The following NIN variants were observed in gnomAD, a reference collection of about 807,000 sequenced individuals.
NIN encodes glycogen synthase kinase 3 beta-interacting protein.
In NIN, 137 loss-of-function variants were observed where a neutral mutation model predicts 257.6. That is an observed-to-expected ratio of 0.53 (90% CI 0.46 to 0.61). The LOEUF is 0.61. Among genes scored for constraint, NIN ranks in the 20% least tolerant of loss-of-function variants. The probability of loss-of-function intolerance (pLI) is 0.00; values close to 1 mark genes in which losing one functional copy is unlikely to be tolerated. For synonymous variants in NIN, 918 were observed against 919.8 expected, an observed-to-expected ratio of 1.00 and a Z score of 0.04; for missense variants, 2,439 against 2,501.2, an observed-to-expected ratio of 0.98 and a Z score of 0.53.
At chr14:50,750,290 C>G (rs1227103324) in intron 21 of NIN, among the ~76,000 whole-genome samples, 2 of 152,128 alleles carry the variant, frequency 1.3e-5, no homozygotes, top group African/African-American at 4.8e-5. Flanking sequence ...ATATACACAT[C>G]TGTGTTTCTG....
chr14:50,810,550 A>G (rs2044544723), intron 3 of NIN, among the ~76,000 whole-genome samples: 1 of 152,250 alleles, frequency 6.6e-6, no homozygotes, highest in African/African-American at 2.4e-5. Flanking sequence ...AAAAGAAGCA[A>G]TTATTGACAT....
At chr14:50,725,348 C>T (rs887503783) in intron 30 of NIN, among the ~76,000 whole-genome samples, 4 of 152,028 alleles carry the variant, frequency 2.6e-5, no homozygotes, top group Admixed American at 1.3e-4. Context: ...TTCTAAACAC[C>T]AAGGCCACAT....
At chr14:50,819,110 T>C (rs558943360) in intron 3 of NIN, among the ~76,000 whole-genome samples, 2 of 152,304 alleles carry the variant, frequency 1.3e-5, no homozygotes, top group South Asian at 2.1e-4. Context: ...TAAGTCAACA[T>C]AGAGGAAGCT....
At chr14:50,764,772 G>A (rs553897607) in intron 14 of NIN, among the ~76,000 whole-genome samples, 2 of 152,040 alleles carry the variant, frequency 1.3e-5, no homozygotes, top group South Asian at 2.1e-4. Context: ...CAAATCTGTA[G>A]AGACACAAAG....
intron 27 of NIN, among the ~76,000 whole-genome samples, chr14:50,737,328 G>A (rs2041027730): frequency 6.6e-6 from 1 of 152,072 alleles, no homozygotes; most frequent in South Asian, 2.1e-4. Flanking sequence ...AAATGAGCTT[G>A]TAAAGTAGAT....
chr14:50,822,422 T>C (rs1305598875), intron 2 of NIN, among the ~76,000 whole-genome samples: 1 of 152,200 alleles, frequency 6.6e-6, no homozygotes, highest in Non-Finnish European at 1.5e-5. Flanking sequence ...CTGAAGGTGG[T>C]TCTCTCCCAG....
At position 50,758,327 on chromosome 14, in the gene NIN, G is replaced by C. The variant is rs952319480; in HGVS notation, c.2703C>G (p.Tyr901Ter). 3 of 1,614,214 alleles carry C rather than the reference G, an allele frequency of 1.9e-6. No homozygotes were observed. Among genetic ancestry groups the C allele is most frequent in the East Asian group, 2.2e-5 (1 of 44,880 alleles). The change falls in exon 18 of 31, where the codon TAC becomes TAG. Residue 901 changes from tyrosine to a stop codon, truncating the protein, a stop_gained. Coordinates refer to ENST00000530997, the MANE Select transcript of NIN (RefSeq NM_020921.4). LOFTEE classifies it high-confidence loss of function. The part of the protein sequence containing the change: ...TQEREMLEKT[Y>*]KEHLNSMVVE... Reference sequence around the variant, plus strand: ...CGACCATGCTGTTCAAATGTTCTTTGTATGTTTTCTCCAGCATCTCTCTCT... The same window carrying C: ...CGACCATGCTGTTCAAATGTTCTTTCTATGTTTTCTCCAGCATCTCTCTCT...
chr14:50,791,416 C>T (rs1002310451), intron 5 of NIN, among the ~76,000 whole-genome samples: 1 of 152,018 alleles, frequency 6.6e-6, no homozygotes, highest in African/African-American at 2.4e-5. Context: ...TGTCACTTCT[C>T]ATCCACACTA....
At chr14:50,739,511 G>A (rs2041169958) in intron 25 of NIN, 24 bp from the exon 26 acceptor site, 11 of 1,607,362 alleles carry the variant, frequency 6.8e-6, no homozygotes, top group Non-Finnish European at 9.3e-6. Flanking sequence ...CAGAGTGTAA[G>A]CCTTAAAAAC....
Position 50,771,467 on chromosome 14 carries a change from G to T in NIN, c.983C>A (p.Ala328Asp). 6.2e-7 allele frequency: 1 copy of T among 1,613,820 alleles called. No individual in the cohort carries two copies. Among genetic ancestry groups the T allele is most frequent in the Non-Finnish European group, 8.5e-7 (1 of 1,179,900 alleles). ...GTTTCCATCGAGGCTGAAATCCAAG[G>T]CCTAGAAATCAGAGCAAGGCGTAAA... The part of the protein sequence containing the change: ...GIENSQEILK[A>D]LDFSLDGNIN... Residue 328 changes from alanine to aspartate, a missense_variant and splice_region_variant, in exon 10 of 31, where the codon GCC (alanine) becomes GAC (aspartate). Around this residue, in one of 3 missense-constraint regions of NIN, gnomAD observed 387 missense variants for 427.3 expected, o/e 0.91. Coordinates refer to ENST00000530997, the MANE Select transcript of NIN (RefSeq NM_020921.4).
At chr14:50,729,195 C>G (rs2040564365) in intron 29 of NIN, among the ~76,000 whole-genome samples, 1 of 151,690 alleles carries the variant, frequency 6.6e-6, no homozygotes, top group Admixed American at 6.6e-5. Context: ...CACCGCAGTT[C>G]TATGGATTTG....
intron 3 of NIN, among the ~76,000 whole-genome samples, chr14:50,817,777 G>A (rs745701327): frequency 2.0e-5 from 3 of 152,092 alleles, no homozygotes; most frequent in Non-Finnish European, 4.4e-5. Flanking sequence ...GTACAATGGC[G>A]TGATCTCGGC....
chr14:50,786,970 C>CT (rs1268537339), intron 5 of NIN, among the ~76,000 whole-genome samples: 1 of 152,144 alleles, frequency 6.6e-6, no homozygotes, highest in Non-Finnish European at 1.5e-5. Flanking sequence ...ATCAGTTTGT[C>CT]TTTTTTTAAG....
intron 6 of NIN, among the ~76,000 whole-genome samples, chr14:50,778,032 CCA>C (rs2042986300): frequency 6.6e-6 from 1 of 152,152 alleles, no homozygotes; most frequent in Non-Finnish European, 1.5e-5. Flanking sequence ...TACAGTTAAT[CCA>C]CAGAGGGCTG....
intron 12 of NIN, among the ~76,000 whole-genome samples, chr14:50,767,584 A>G (rs189367870): frequency 0.011 from 1,636 of 152,220 alleles, 27 homozygotes; most frequent in African/African-American, 0.036. Context: ...TTGGGAGGCC[A>G]AGGTGGGCGG....
intron 17 of NIN, among the ~76,000 whole-genome samples, 196 bp downstream of exon 17, chr14:50,759,660 AT>A (rs1439197942): frequency 1.3e-5 from 2 of 151,966 alleles, no homozygotes; most frequent in African/African-American, 2.4e-5. Flanking sequence ...CGCCCGGCTA[AT>A]TTTTTGTATT....
At chr14:50,800,007 TAC>T (rs71118902) in intron 4 of NIN, among the ~76,000 whole-genome samples, 4,770 of 148,178 alleles carry the variant, frequency 0.032, 262 homozygotes, top group African/African-American at 0.11. Flanking sequence ...TATATACACA[TAC>T]ACACACACAC....
chr14:50,747,793 T>C lies in NIN; in HGVS notation c.5064+199A>G, dbSNP rs574258788. ...GTACAACATATATAAGTTAGACACA[T>C]GTATAATTAGCAATAGCCTTTACAG... On this transcript the variant is annotated intron_variant, in intron 22 of 30. Coordinates refer to ENST00000530997, the MANE Select transcript of NIN (RefSeq NM_020921.4). Among the ~76,000 whole-genome samples the C allele has an allele frequency of 2.0e-5, 3 of 151,816 alleles. No individual in the cohort carries two copies. In the East Asian group the frequency reaches 5.8e-4, roughly 29 times the overall value.
rs906163159 is a variant in NIN, at chr14:50,831,084, G to A, written c.-154C>T. On this transcript the variant is annotated 5_prime_UTR_variant, in exon 1 of 31. Coordinates refer to ENST00000530997, the MANE Select transcript of NIN (RefSeq NM_020921.4). ...GCACTCCGGGCTTGGCGGCGGCAGC[G>A]GGACGGCCGCGCCCAGCGCGCTCGG... The A allele has an allele frequency of 6.7e-6, 1 of 149,956 alleles. No homozygotes were observed. The highest frequency in any genetic ancestry group is 6.6e-5 in the Admixed American group (1 of 15,056). The allele number at this position is 149,956 out of a possible 1,614,324, so 9.3% of individuals were successfully genotyped here.
Sources: gnomAD v4.1 joint callset for allele counts (sites outside exome capture counted in the v4.1 genomes callset) on GRCh38, gnomAD v4.1.1 for gene constraint, gnomAD v4.1.1 regional missense constraint, MANE v1.5 for transcripts, NCBI Gene and HGNC (gene_info 2026-07-23, HGNC 2026-07-21) for gene names.